SLC25A26: variants seen among roughly 807,000 people sequenced by gnomAD.
SLC25A26 encodes the protein solute carrier family 25 member 26.
Under a neutral mutation model 37.8 loss-of-function variants are expected in SLC25A26, and 36 were observed. The ratio of observed to expected loss-of-function variants is 0.95; its 90% CI spans 0.73 to 1.26. The LOEUF is 1.26. SLC25A26 is among the 50% of genes most tolerant of loss of function. The pLI is 0.00. For missense variants in SLC25A26, 390 were observed against 331.1 expected, an observed-to-expected ratio of 1.18 and a Z score of -1.38; for synonymous variants, 129 against 122.5, an observed-to-expected ratio of 1.05 and a Z score of -0.35.
chr3:66,307,329 T>A (rs939859848), intron 5 of SLC25A26, among the ~76,000 whole-genome samples: 5 of 152,366 alleles, frequency 3.3e-5, no homozygotes, highest in African/African-American at 1.2e-4. Context: ...GTTAATATCC[T>A]TTGCCCACTT....
At chr3:66,238,799 G>T (rs1293792110) in intron 2 of SLC25A26, among the ~76,000 whole-genome samples, 1 of 152,078 alleles carries the variant, frequency 6.6e-6, no homozygotes, top group African/African-American at 2.4e-5. Flanking sequence ...GTAGGCTGAG[G>T]AGGAGGAGGA....
At chr3:66,308,760 ATTGAAAGCC>A (rs1351945695) in intron 5 of SLC25A26, among the ~76,000 whole-genome samples, 1 of 152,082 alleles carries the variant, frequency 6.6e-6, no homozygotes, top group Non-Finnish European at 1.5e-5. Flanking sequence ...GGTGAATTTT[ATTGAAAGCC>A]TTTTCTGCAT....
At chr3:66,195,596 C>G (rs2106801897) in intron 1 of SLC25A26, among the ~76,000 whole-genome samples, 1 of 152,358 alleles carries the variant, frequency 6.6e-6, no homozygotes, top group East Asian at 1.9e-4. Flanking sequence ...TAGCGTCTGG[C>G]TGATGGGTGG....
chr3:66,360,626 G>A (rs1241568715), intron 6 of SLC25A26, among the ~76,000 whole-genome samples: 1 of 152,210 alleles, frequency 6.6e-6, no homozygotes, highest in Non-Finnish European at 1.5e-5. Context: ...AACAACCAGA[G>A]ACTGAAATTT....
intron 5 of SLC25A26, among the ~76,000 whole-genome samples, chr3:66,335,655 G>A (rs1037266208): frequency 6.6e-6 from 1 of 151,882 alleles, no homozygotes; most frequent in African/African-American, 2.4e-5. Flanking sequence ...AATACGTATC[G>A]AGTGTCCTGT....
chr3:66,364,562 CAG>C (rs1037137705), intron 7 of SLC25A26, among the ~76,000 whole-genome samples: 19 of 152,292 alleles, frequency 1.2e-4, no homozygotes, highest in African/African-American at 4.6e-4. Flanking sequence ...TCCTGAGTGC[CAG>C]TTTCCTTACC....
intron 5 of SLC25A26, among the ~76,000 whole-genome samples, chr3:66,274,717 G>T (rs1231544589): frequency 6.6e-6 from 1 of 152,298 alleles, no homozygotes; most frequent in East Asian, 1.9e-4. Context: ...TCTCACACCA[G>T]TTAGAATGGC....
chr3:66,294,751 C>G (rs904492601), intron 5 of SLC25A26, among the ~76,000 whole-genome samples: 2 of 152,174 alleles, frequency 1.3e-5, no homozygotes, highest in African/African-American at 2.4e-5. Flanking sequence ...AGTTAACACT[C>G]TGTCTACTAT....
chr3:66,370,563 C>A lies in SLC25A26; in HGVS notation c.668C>A (p.Ser223Tyr). 1 of 1,613,958 alleles carries A rather than the reference C, an allele frequency of 6.2e-7. No homozygotes were observed. Among genetic ancestry groups the A allele is most frequent in the Non-Finnish European group, 8.5e-7 (1 of 1,179,872 alleles). ...GSSTADGNVL[S>Y]VLHGVWRSQG... The stretch of plus-strand genomic sequence containing the variant: ...AGCACTGCTGATGGGAATGTGCTCT[C>A]TGTCCTGCATGGGGTCTGGCGGTCA... The change falls in exon 9 of 10, where the codon TCT becomes TAT. Residue 223 changes from serine (S) to tyrosine (Y), a missense_variant. Physicochemically the swap from Ser to Tyr is moderately radical, Grantham distance 144 (BLOSUM62 -2). Transcript: ENST00000354883.
chr3:66,334,516 A>C (rs940264226), intron 5 of SLC25A26, among the ~76,000 whole-genome samples: 1 of 151,916 alleles, frequency 6.6e-6, no homozygotes, highest in African/African-American at 2.4e-5. Flanking sequence ...AGATTTTGCT[A>C]TGTTGGCCAG....
chr3:66,232,266 T>A (rs536792299), intron 1 of SLC25A26, among the ~76,000 whole-genome samples: 93 of 152,362 alleles, frequency 6.1e-4, no homozygotes, highest in African/African-American at 2.2e-3. Context: ...TTTTATTTGA[T>A]AATGACAGAG....
At chr3:66,307,387 G>T (rs9853934) in intron 5 of SLC25A26, among the ~76,000 whole-genome samples, 1 of 150,958 alleles carries the variant, frequency 6.6e-6, no homozygotes, top group East Asian at 1.9e-4. Context: ...TAAGTTCCTT[G>T]TAGATTCTGG....
intron 1 of SLC25A26, among the ~76,000 whole-genome samples, chr3:66,163,716 A>C (rs963436200): frequency 1.3e-5 from 2 of 152,166 alleles, no homozygotes; most frequent in South Asian, 4.1e-4. Flanking sequence ...CTCACTTCTC[A>C]ACCCACTGTC....
Position 66,171,310 on chromosome 3 carries a change from C to G in SLC25A26, c.-354+37326C>G, listed in dbSNP as rs1006799624. ...AACAGTGACAAATGTGAGTGGAGTC[C>G]TCACATCTGGTTTTGTGGCATGATT... On this transcript the variant is annotated intron_variant, in intron 1 of 10. Transcript: ENST00000676754. 2.6e-5 allele frequency among the ~76,000 whole-genome samples: 4 copies of G among 152,234 alleles called. No individual in the cohort carries two copies. The South Asian group carries it at 8.3e-4, about 32-fold the overall frequency.
At chr3:66,217,596 T>C (rs2071380651), upstream of SLC25A26, among the ~76,000 whole-genome samples, 1 of 152,090 alleles carries the variant, frequency 6.6e-6, no homozygotes, top group Non-Finnish European at 1.5e-5. Flanking sequence ...TCACCCAGGC[T>C]GGAGTGCTGT....
chr3:66,242,782 T>C (rs1249082597), intron 2 of SLC25A26, among the ~76,000 whole-genome samples: 1 of 152,234 alleles, frequency 6.6e-6, no homozygotes, highest in Non-Finnish European at 1.5e-5. Flanking sequence ...CATTATAGAA[T>C]AGACATTTTC....
intron 1 of SLC25A26, among the ~76,000 whole-genome samples, chr3:66,145,231 A>G (rs2070097789): frequency 6.6e-6 from 1 of 152,252 alleles, no homozygotes. Context: ...ACCAGATCAC[A>G]TAAATGATTA....
At chr3:66,263,150 T>C (rs2107291305) in intron 4 of SLC25A26, 182 bp from the exon 5 acceptor site, 1 of 152,800 alleles carries the variant, frequency 6.5e-6, no homozygotes, top group East Asian at 1.9e-4. Context: ...TAGAGGTATA[T>C]AAGTTATATA....
chr3:66,167,129 C>T (rs1018640107), intron 1 of SLC25A26, among the ~76,000 whole-genome samples: 6 of 152,094 alleles, frequency 3.9e-5, no homozygotes, highest in African/African-American at 1.2e-4. Flanking sequence ...TACTCAGGCT[C>T]GGGTATTAGT....
Sources: allele counts gnomAD v4.1 joint callset (sites outside exome capture counted in the v4.1 genomes callset), GRCh38; gene constraint gnomAD v4.1.1; transcripts MANE v1.5; gene names NCBI Gene and HGNC (gene_info 2026-07-23, HGNC 2026-07-21).